GRID2: variants seen among roughly 807,000 people sequenced by gnomAD.
The protein encoded by GRID2 is glutamate receptor ionotropic, delta-2.
GRID2 carries 33 observed loss-of-function variants against 114.8 expected under a neutral mutation model. The observed-to-expected ratio is 0.29, with a 90% CI of 0.22 to 0.38. The LOEUF is 0.38. Ranked by LOEUF, GRID2 falls within the 10% of genes least tolerant of loss-of-function variation. The pLI is 1.00. For missense variants in GRID2, 1,184 were observed against 1,257.7 expected (o/e 0.94, Z 0.89); for synonymous variants, 505 against 449.9 (o/e 1.12, Z -1.55).
At position 93,264,597 on chromosome 4, in the gene GRID2, G is replaced by GT. The variant is rs545706482; in HGVS notation, c.1245+26110dup. Among the ~76,000 whole-genome samples, 72 of 150,812 alleles carry GT rather than the reference G, an allele frequency of 4.8e-4. No homozygotes were observed. The Middle Eastern group carries it at 0.014, about 30-fold the overall frequency. ...AAATAAGCTCCATGGATGACTTTTGGTTTCTGTGTTCCTACAATTTCTCTT... is the reference window on the plus strand; with the variant it reads ...AAATAAGCTCCATGGATGACTTTTGGTTTTCTGTGTTCCTACAATTTCTCTT... On this transcript the variant is annotated intron_variant, in intron 8 of 15. Transcript: ENST00000282020.
At chr4:92,491,327 G>A (rs1329540558) in intron 1 of GRID2, among the ~76,000 whole-genome samples, 9 of 152,090 alleles carry the variant, frequency 5.9e-5, no homozygotes, top group Non-Finnish European at 1.0e-4. Context: ...CAGTTCCACA[G>A]TTTCTAAGAG....
chr4:92,992,611 A>C (rs1416626773), intron 2 of GRID2, among the ~76,000 whole-genome samples: 2 of 152,086 alleles, frequency 1.3e-5, no homozygotes, highest in African/African-American at 4.8e-5. Context: ...CATTAGTGAA[A>C]CTCATCTTTA....
intron 14 of GRID2, among the ~76,000 whole-genome samples, chr4:93,664,880 C>T (rs1158305908): frequency 6.6e-6 from 1 of 151,966 alleles, no homozygotes. Flanking sequence ...GTATAATGTA[C>T]CTAAAACACA....
intron 2 of GRID2, among the ~76,000 whole-genome samples, chr4:92,981,453 T>C (rs915266941): frequency 1.6e-4 from 24 of 152,012 alleles, no homozygotes; most frequent in Non-Finnish European, 5.9e-5. Flanking sequence ...TTAGATGTAT[T>C]CCATGTCTAC....
chr4:92,535,410 T>C (rs1161410443), intron 1 of GRID2, among the ~76,000 whole-genome samples: 1 of 152,174 alleles, frequency 6.6e-6, no homozygotes, highest in Non-Finnish European at 1.5e-5. Context: ...TGGAAACAAC[T>C]ATCTTTATTA....
chr4:93,053,362 G>A (rs980482884), intron 2 of GRID2, among the ~76,000 whole-genome samples: 1 of 151,782 alleles, frequency 6.6e-6, no homozygotes. Context: ...GTCTTGTTTT[G>A]TGATTATTCA....
chr4:93,188,713 C>T (rs1053008016), intron 4 of GRID2, among the ~76,000 whole-genome samples: 1 of 152,128 alleles, frequency 6.6e-6, no homozygotes, highest in Non-Finnish European at 1.5e-5. Flanking sequence ...TTGTTTCTCT[C>T]TTCTTACATT....
In GRID2 at chr4:92,779,449, A is replaced by G. The variant is rs1205624887; in HGVS notation, c.244+189163A>G. Among the ~76,000 whole-genome samples the G allele has an allele frequency of 2.6e-5, 4 of 152,170 alleles. No homozygotes were observed. The East Asian group carries it at 7.7e-4, about 29-fold the overall frequency. On this transcript the variant is annotated intron_variant, in intron 2 of 15. Coordinates refer to ENST00000282020, the MANE Select transcript of GRID2 (RefSeq NM_001510.4). Reference sequence around the variant, plus strand: ...TAGGAAGCATTCAGATGTTAATAACAGCAATTTAACTAAAAGAGCTTAAAG... The same window carrying G: ...TAGGAAGCATTCAGATGTTAATAACGGCAATTTAACTAAAAGAGCTTAAAG...
intron 2 of GRID2, among the ~76,000 whole-genome samples, chr4:92,725,260 C>T (rs144557482): frequency 0.011 from 1,695 of 152,082 alleles, 36 homozygotes; most frequent in East Asian, 0.034. Flanking sequence ...GCTGAGATTG[C>T]GCCACTATAC....
chr4:93,741,177 A>ATATATATATATATATATATACG (rs1395460687), intron 14 of GRID2, among the ~76,000 whole-genome samples: 21 of 28,972 alleles, frequency 7.2e-4, no homozygotes, highest in Non-Finnish European at 1.4e-3. Context: ...ATATATACAT[A>ATATATATATATATATATATACG]TATATATATA....
chr4:93,698,794 A>ATTTT (rs1727262631), intron 14 of GRID2, among the ~76,000 whole-genome samples: 1 of 152,058 alleles, frequency 6.6e-6, no homozygotes, highest in Non-Finnish European at 1.5e-5. Flanking sequence ...TTTCCACTAA[A>ATTTT]AGAATCCTGT....
At chr4:92,330,367 G>A (rs1311908220) in intron 1 of GRID2, among the ~76,000 whole-genome samples, 1 of 152,128 alleles carries the variant, frequency 6.6e-6, no homozygotes, top group African/African-American at 2.4e-5. Flanking sequence ...GAATCTTGCA[G>A]TGGTTTGGAT....
intron 1 of GRID2, among the ~76,000 whole-genome samples, chr4:92,447,361 T>C (rs1230404222): frequency 6.6e-6 from 1 of 152,172 alleles, no homozygotes; most frequent in Non-Finnish European, 1.5e-5. Flanking sequence ...CAAGGCAAAC[T>C]ATTGGCAGAC....
At chr4:93,546,250 G>A (rs1037450038) in intron 13 of GRID2, among the ~76,000 whole-genome samples, 3 of 152,126 alleles carry the variant, frequency 2.0e-5, no homozygotes, top group African/African-American at 2.4e-5. Context: ...ATGCTTATTC[G>A]AGCGCCAAGT....
At chr4:92,879,924 A>C (rs1308540261) in intron 2 of GRID2, among the ~76,000 whole-genome samples, 2 of 152,234 alleles carry the variant, frequency 1.3e-5, no homozygotes, top group African/African-American at 2.4e-5. Flanking sequence ...ATTGGAATCC[A>C]GTAGGTAACT....
chr4:92,422,890 C>G (rs1031245397), intron 1 of GRID2, among the ~76,000 whole-genome samples: 2 of 152,118 alleles, frequency 1.3e-5, no homozygotes, highest in Non-Finnish European at 2.9e-5. Flanking sequence ...TAAGTTCCCC[C>G]CAAAGTTAGT....
intron 9 of GRID2, among the ~76,000 whole-genome samples, chr4:93,404,025 T>A (rs1469527047): frequency 6.6e-6 from 1 of 152,046 alleles, no homozygotes; most frequent in Non-Finnish European, 1.5e-5. Context: ...TACCATAAAA[T>A]GGAATATTAT....
chr4:93,202,772 A>G, intron 4 of GRID2, among the ~76,000 whole-genome samples: 1 of 152,042 alleles, frequency 6.6e-6, no homozygotes, highest in East Asian at 1.9e-4. Flanking sequence ...TAGGTAAATT[A>G]TTTTTTTGTA....
intron 8 of GRID2, among the ~76,000 whole-genome samples, chr4:93,300,861 C>T (rs923052186): frequency 6.6e-6 from 1 of 152,172 alleles, no homozygotes; most frequent in Non-Finnish European, 1.5e-5. Context: ...GCAGGCAGTA[C>T]GTGACAGGGG....
Sources: allele counts gnomAD v4.1 joint callset (sites outside exome capture counted in the v4.1 genomes callset), GRCh38; gene constraint gnomAD v4.1.1; transcripts MANE v1.5; gene names NCBI Gene and HGNC (gene_info 2026-07-23, HGNC 2026-07-21).